The following PNPLA6 variants were observed in gnomAD, a reference collection of about 807,000 sequenced individuals.
PNPLA6 encodes the protein patatin-like phospholipase domain-containing protein 6.
A neutral mutation model predicts 153.7 loss-of-function variants in PNPLA6; 105 were observed. That is an observed-to-expected ratio of 0.68 (90% CI 0.58 to 0.80). The LOEUF is 0.80. Ranked by LOEUF, PNPLA6 falls within the 30% of genes least tolerant of loss-of-function variation. PNPLA6 has a pLI of 0.00. For missense variants in PNPLA6, 1,423 were observed against 1,919.3 expected, an observed-to-expected ratio of 0.74 and a Z score of 4.83; for synonymous variants, 825 against 822.2, an observed-to-expected ratio of 1.00 and a Z score of -0.06.
At position 7,559,017 on chromosome 19, in the gene PNPLA6, A is replaced by C. The variant is rs750897003; in HGVS notation, c.3565A>C (p.Ile1189Leu). Reference sequence around the variant, plus strand: ...GGTAAAGGTTCCAGACATGGCTGAAATCCAGTCCCGCCTGGCCTACGTGTC... The same window carrying C: ...GGTAAAGGTTCCAGACATGGCTGAACTCCAGTCCCGCCTGGCCTACGTGTC... Reference protein sequence around the residue: ...DKVKVPDMAEIQSRLAYVSCV... With the variant: ...DKVKVPDMAELQSRLAYVSCV... The change falls in exon 28 of 32, where the codon ATC (isoleucine) becomes CTC (leucine). Residue 1189 changes from isoleucine (I) to leucine (L), a missense_variant. Physicochemically the swap from Ile to Leu is conservative, Grantham distance 5. Transcript: ENST00000600737. The C allele has an allele frequency of 6.2e-7, 1 of 1,614,178 alleles. No individual in the cohort carries two copies. Among genetic ancestry groups the C allele is most frequent in the South Asian group, 1.1e-5 (1 of 91,086 alleles).
intron 18 of PNPLA6, among the ~76,000 whole-genome samples, chr19:7,552,791 A>G (rs1034886941): frequency 2.6e-5 from 4 of 151,748 alleles, no homozygotes; most frequent in Admixed American, 2.0e-4. Context: ...AAAAGAAAAG[A>G]AAAGGAAAGA....
intron 13 of PNPLA6, among the ~76,000 whole-genome samples, chr19:7,545,766 G>C (rs1172546867): frequency 6.6e-6 from 1 of 151,966 alleles, no homozygotes; most frequent in African/African-American, 2.4e-5. Context: ...TCAAAAATTA[G>C]TCAGGCACGA....
chr19:7,556,933 G>C (rs562280273), intron 26 of PNPLA6: 1 of 685,564 alleles, frequency 1.5e-6, no homozygotes, highest in African/African-American at 1.8e-5. Flanking sequence ...GAGACTCGTC[G>C]GACGCCTTAC....
chr19:7,552,780 AAAAAG>A (rs1315663374), intron 18 of PNPLA6, among the ~76,000 whole-genome samples: 2 of 151,732 alleles, frequency 1.3e-5, no homozygotes, highest in African/African-American at 4.8e-5. Context: ...AAAGAAAAAA[AAAAAG>A]AAAAGAAAAG....
At position 7,542,639 on chromosome 19, in the gene PNPLA6, C is replaced by A. The variant is rs1599277847; in HGVS notation, c.1331C>A (p.Ala444Asp). 6.2e-7 allele frequency: 1 copy of A among 1,613,410 alleles called. No homozygotes were observed. Among genetic ancestry groups the A allele is most frequent in the Non-Finnish European group, 8.5e-7 (1 of 1,179,950 alleles). Residue 444 changes from alanine (A) to aspartate (D), a missense_variant, in exon 11 of 32, where the codon GCC becomes GAC. This residue lies in a region of PNPLA6 where 267 missense variants were observed against 255.1 expected (regional missense o/e 1.05). Coordinates refer to ENST00000600737, the MANE Select transcript of PNPLA6 (RefSeq NM_001166114.2). ...GRISVSLQEEASGGSLAAPAR... is the reference protein window; with the variant it reads ...GRISVSLQEEDSGGSLAAPAR... The stretch of plus-strand genomic sequence containing the variant: ...ATCTCCGTGTCCCTGCAGGAAGAGG[C>A]CTCCGGGGGGTCCCTGGCAGCCCCC...
At chr19:7,545,117 C>A (rs1351905117) in intron 13 of PNPLA6, among the ~76,000 whole-genome samples, 1 of 152,026 alleles carries the variant, frequency 6.6e-6, no homozygotes, top group African/African-American at 2.4e-5. Context: ...ACCTCTGCCT[C>A]CCGGATTCAA....
chr19:7,546,140 G>T (rs2023377280), intron 13 of PNPLA6, among the ~76,000 whole-genome samples: 1 of 152,124 alleles, frequency 6.6e-6, no homozygotes, highest in Non-Finnish European at 1.5e-5. Context: ...GAACAAACTG[G>T]GTGCAGGTGG....
At position 7,535,727 on chromosome 19, in the gene PNPLA6, C is replaced by G. The variant is rs2022825566; in HGVS notation, c.-62C>G. ...TACGTTTCCCGGCATGCACTGCGGG[C>G]CGCCGGGCCTCAGGGAAGAGTCGCG... On this transcript the variant is annotated 5_prime_UTR_variant, in exon 1 of 32. Transcript: ENST00000600737. This position sits in a 1 kb window ranked among gnomAD's most constrained non-coding sequence, Gnocchi z 5.0. 1 of 1,518,872 alleles carries G rather than the reference C, an allele frequency of 6.6e-7. No homozygotes were observed. The highest frequency in any genetic ancestry group is 1.4e-5 in the African/African-American group (1 of 72,814). 94.1% of individuals were successfully genotyped at this position (1,518,872 alleles called of 1,614,324 possible). A position where few individuals can be genotyped will look rare whatever the true frequency, so the allele number is the denominator to read the frequency against.
At position 7,540,743 on chromosome 19, in the gene PNPLA6, G is replaced by T; in HGVS notation, c.795+33G>T. Reference sequence around the variant, plus strand: ...ACCAGTTTCTGAGGCAGGGGGGCTGGGGTGCAAGGTCCCACCCAAGGGACT... The same window carrying T: ...ACCAGTTTCTGAGGCAGGGGGGCTGTGGTGCAAGGTCCCACCCAAGGGACT... On this transcript the variant is annotated intron_variant, in intron 6 of 31. Coordinates refer to ENST00000600737, the MANE Select transcript of PNPLA6 (RefSeq NM_001166114.2). The surrounding 1 kb of genome is among the most constrained non-coding windows in gnomAD (Gnocchi z 6.8). The T allele has an allele frequency of 6.3e-7, 1 of 1,580,616 alleles. No homozygotes were observed. Among genetic ancestry groups the T allele is most frequent in the Non-Finnish European group, 8.7e-7 (1 of 1,149,382 alleles).
chr19:7,539,832 TG>T, intron 3 of PNPLA6, 85 bp from the exon 4 acceptor site: 2 of 872,158 alleles, frequency 2.3e-6, no homozygotes, highest in Non-Finnish European at 3.6e-6. Flanking sequence ...ACATGAGCCC[TG>T]GGGAAAGGGG....
rs2023827456 is a variant in PNPLA6, at chr19:7,555,319, T to A, written c.2888T>A (p.Val963Glu). 2 of 1,576,956 alleles carry A rather than the reference T, an allele frequency of 1.3e-6. No homozygotes were observed. The highest frequency in any genetic ancestry group is 1.2e-5 in the South Asian group (1 of 86,408). ...AGCGACTTCTCCCGCTTGGCGAGGG[T>A]GCTCACGGGGAACACCATTGCCCTT... ...RHSDFSRLAR[V>E]LTGNTIALVL... The change falls in exon 23 of 32, where the codon GTG (valine) becomes GAG (glutamate). Residue 963 changes from valine to glutamate, a missense_variant. This residue lies in a region of PNPLA6 where 643 missense variants were observed against 835.2 expected (regional missense o/e 0.77). Coordinates refer to ENST00000600737, the MANE Select transcript of PNPLA6 (RefSeq NM_001166114.2). The surrounding 1 kb of genome is among the most constrained non-coding windows in gnomAD (Gnocchi z 6.3).
chr19:7,554,986 G>T lies in PNPLA6; in HGVS notation c.2728G>T (p.Glu910Ter), dbSNP rs1477442610. Residue 910 changes from glutamate (E) to a stop codon, truncating the protein, a stop_gained, in exon 22 of 32, where the codon GAG becomes TAG. Coordinates refer to ENST00000600737, the MANE Select transcript of PNPLA6 (RefSeq NM_001166114.2). LOFTEE classifies it high-confidence loss of function. Reference sequence around the variant, plus strand: ...GGGCGCGGGCCCCACGCGCACCGTGGAGTGGCTAAATATGCGCAGCTGGTG... The same window carrying T: ...GGGCGCGGGCCCCACGCGCACCGTGTAGTGGCTAAATATGCGCAGCTGGTG... ...EEGAGPTRTV[E>*]WLNMRSWCSG... The T allele has an allele frequency of 6.3e-7, 1 of 1,594,496 alleles. No individual in the cohort carries two copies. Among genetic ancestry groups the T allele is most frequent in the East Asian group, 2.2e-5 (1 of 44,686 alleles).
At position 7,540,398 on chromosome 19, in the gene PNPLA6, G is replaced by T; in HGVS notation, c.714+90G>T. ...GTCTGTAGAGCTGGTGGTCTTTGGA[G>T]ATGCGTCATCGGGAGTCAGGGGAAC... On this transcript the variant is annotated intron_variant, in intron 5 of 31. Transcript: ENST00000600737. This position sits in a 1 kb window ranked among gnomAD's most constrained non-coding sequence, Gnocchi z 6.8. The T allele has an allele frequency of 7.0e-7, 1 of 1,421,258 alleles. No homozygotes were observed. Among genetic ancestry groups the T allele is most frequent in the South Asian group, 1.3e-5 (1 of 77,904 alleles). The allele number at this position is 1,421,258 out of a possible 1,614,324, so 88.0% of individuals were successfully genotyped here.
At chr19:7,545,029 C>CT (rs112232890) in intron 13 of PNPLA6, among the ~76,000 whole-genome samples, 71 of 146,432 alleles carry the variant, frequency 4.8e-4, no homozygotes, top group South Asian at 8.7e-4. Flanking sequence ...CTCCTTGAAA[C>CT]TTTTTTTTTT....
intron 18 of PNPLA6, 32 bp from the exon 19 acceptor site, chr19:7,553,843 A>C: frequency 6.2e-7 from 1 of 1,614,160 alleles, no homozygotes; most frequent in Non-Finnish European, 8.5e-7. Flanking sequence ...ACAGGTTCGC[A>C]CCACAAATCT....
chr19:7,548,759 A>G (rs1293938937), intron 13 of PNPLA6, among the ~76,000 whole-genome samples: 1 of 151,122 alleles, frequency 6.6e-6, no homozygotes, highest in Non-Finnish European at 1.5e-5. Context: ...ATAGAGAGAG[A>G]GATGCTGCTC....
In PNPLA6 at chr19:7,561,632, C is replaced by T; in HGVS notation, c.*70C>T. 9.7e-7 allele frequency: 1 copy of T among 1,025,810 alleles called. No homozygotes were observed. The allele number at this position is 1,025,810 out of a possible 1,614,324, so 63.5% of individuals were successfully genotyped here. On this transcript the variant is annotated 3_prime_UTR_variant, in exon 32 of 32. Coordinates refer to ENST00000600737, the MANE Select transcript of PNPLA6 (RefSeq NM_001166114.2). ...GCTGGGGGTGGCCCCGTGGGGGTAG[C>T]TCACTCCCCCTCCTGCTGCTATGCC...
In PNPLA6 at chr19:7,550,538, C is replaced by T; in HGVS notation, c.1968C>T (p.Cys656=). The change falls in exon 16 of 32, where the codon TGC becomes TGT. Residue 656 remains cysteine, a synonymous_variant. Transcript: ENST00000600737. ...TCAGGCAGGGCGACCGCTCCGACTG[C>T]ACTTACATCGTGCTCAATGGGCGGC... ...ALYRQGDRSD[C]TYIVLNGRLR... is the part of the protein sequence containing the mutation. 6.2e-7 allele frequency: 1 copy of T among 1,613,232 alleles called. No homozygotes were observed. The highest frequency in any genetic ancestry group is 8.5e-7 in the Non-Finnish European group (1 of 1,179,918).
At position 7,561,215 on chromosome 19, in the gene PNPLA6, G is replaced by A. The variant is rs750530405; in HGVS notation, c.3921G>A (p.Glu1307=). ...YVSDGCADGE[E]SDCLTEYEED... is the part of the protein sequence containing the mutation. ...CCTGCTCCCCGATTCCAGGAGAGGA[G>A]TCAGATTGTCTGACAGAGTATGAGG... is the stretch of plus-strand genomic sequence containing the variant. Residue 1307 remains glutamate, a synonymous_variant, in exon 31 of 32, where the codon GAG becomes GAA. Transcript: ENST00000600737. The A allele has an allele frequency of 1.2e-6, 2 of 1,609,118 alleles. No individual in the cohort carries two copies. Among genetic ancestry groups the A allele is most frequent in the South Asian group, 1.1e-5 (1 of 90,020 alleles).
Sources: gnomAD v4.1 joint callset for allele counts (sites outside exome capture counted in the v4.1 genomes callset) on GRCh38, gnomAD v4.1.1 for gene constraint, gnomAD v4.1.1 regional missense constraint, Gnocchi (gnomAD v3.1) non-coding constraint, MANE v1.5 for transcripts, NCBI Gene and HGNC (gene_info 2026-07-23, HGNC 2026-07-21) for gene names.